UBR1: variants seen among roughly 807,000 people sequenced by gnomAD.
UBR1 encodes the protein ubiquitin protein ligase E3 component n-recognin 1.
UBR1 carries 102 observed loss-of-function variants against 242.1 expected under a neutral mutation model. That is an observed-to-expected ratio of 0.42 (90% confidence interval 0.36 to 0.50). UBR1 has a LOEUF of 0.50. UBR1 is among the 20% of genes least tolerant of loss of function. The probability of loss-of-function intolerance (pLI) is 0.01; values close to 1 mark genes in which losing one functional copy is unlikely to be tolerated. For missense variants in UBR1, 1,772 were observed against 2,101.8 expected, an observed-to-expected ratio of 0.84 and a Z score of 3.07; for synonymous variants, 675 against 684.8, an observed-to-expected ratio of 0.99 and a Z score of 0.22.
intron 12 of UBR1, among the ~76,000 whole-genome samples, chr15:43,050,932 C>T (rs1274893828): frequency 6.6e-6 from 1 of 152,078 alleles, no homozygotes; most frequent in East Asian, 1.9e-4. Context: ...GTCACAGACG[C>T]TGGGGAGGTT....
intron 35 of UBR1, among the ~76,000 whole-genome samples, chr15:42,985,989 C>CAAAAAAA (rs1230190123): frequency 4.3e-5 from 2 of 46,988 alleles, no homozygotes; most frequent in Admixed American, 2.2e-4. Context: ...GACCCTGTCT[C>CAAAAAAA]AAAAAAAAAA....
chr15:42,969,343 G>C (rs190234427), intron 40 of UBR1, among the ~76,000 whole-genome samples: 1 of 151,992 alleles, frequency 6.6e-6, no homozygotes, highest in Non-Finnish European at 1.5e-5. Flanking sequence ...CATATCCTTC[G>C]CCCACTTTCT....
intron 44 of UBR1, among the ~76,000 whole-genome samples, chr15:42,955,837 C>T (rs1340224323): frequency 6.6e-6 from 1 of 152,140 alleles, no homozygotes; most frequent in Non-Finnish European, 1.5e-5. Context: ...GTTTAAGCTA[C>T]AGGACATTAT....
In UBR1 at chr15:43,038,677, T is replaced by A. The variant is rs965766347; in HGVS notation, c.1850-445A>T. ...ACAATCTAGAATGCAGACTGTTGATTTCTAATTTTGAAATACAATATTACT... is the reference window on the plus strand; with the variant it reads ...ACAATCTAGAATGCAGACTGTTGATATCTAATTTTGAAATACAATATTACT... On this transcript the variant is annotated intron_variant, in intron 15 of 46. Coordinates refer to ENST00000290650, the MANE Select transcript of UBR1 (RefSeq NM_174916.3). 2.6e-4 allele frequency among the ~76,000 whole-genome samples: 40 copies of A among 152,310 alleles called. No individual in the cohort carries two copies. In the East Asian group the frequency reaches 6.4e-3, roughly 24 times the overall value.
intron 9 of UBR1, among the ~76,000 whole-genome samples, chr15:43,058,815 T>G (rs1408048954): frequency 6.6e-6 from 1 of 152,192 alleles, no homozygotes; most frequent in Non-Finnish European, 1.5e-5. Flanking sequence ...CCTGAATATA[T>G]AGATACATGT....
At chr15:43,015,452 G>A (rs1026630349) in intron 29 of UBR1, among the ~76,000 whole-genome samples, 1 of 152,030 alleles carries the variant, frequency 6.6e-6, no homozygotes, top group African/African-American at 2.4e-5. Flanking sequence ...CAGCATGCTC[G>A]TTAAGAGTCA....
At position 42,960,196 on chromosome 15, in the gene UBR1, C is replaced by T. The variant is rs572253408; in HGVS notation, c.4757+449G>A. 3.3e-5 allele frequency among the ~76,000 whole-genome samples: 5 copies of T among 152,026 alleles called. No individual in the cohort carries two copies. The East Asian group carries it at 5.8e-4, about 18-fold the overall frequency. On this transcript the variant is annotated intron_variant, in intron 43 of 46. Coordinates refer to ENST00000290650, the MANE Select transcript of UBR1 (RefSeq NM_174916.3). ...AGACAACTTAAGGGAGATAAGAGGG[C>T]TGAAGAAAAGTTTTTGGGGTAGTTT...
At chr15:43,001,252 T>A (rs1405489971) in intron 32 of UBR1, among the ~76,000 whole-genome samples, 6 of 151,682 alleles carry the variant, frequency 4.0e-5, no homozygotes, top group African/African-American at 1.5e-4. Flanking sequence ...GTTCAAGCAA[T>A]TCTCCTTGGC....
At position 43,067,895 on chromosome 15, in the gene UBR1, A is replaced by G. The variant is rs199742972; in HGVS notation, c.798+3T>C. The G allele has an allele frequency of 2.5e-6, 4 of 1,613,842 alleles. No individual in the cohort carries two copies. The African/African-American group carries it at 4.0e-5, about 16-fold the overall frequency. On this transcript the variant is annotated splice_donor_region_variant and intron_variant, in intron 6 of 46. Coordinates refer to ENST00000290650, the MANE Select transcript of UBR1 (RefSeq NM_174916.3). ...AAACGCAATTCAAAAGGAGACCACA[A>G]ACCTCTTTGTCAATGGCAGTGGTAT...
rs958557192 is a variant in UBR1, at chr15:42,949,821, TAATAAA to T, written c.5108+435_5108+440del. ...CTCCCAAAATAAATAAATAAATAAA[TAATAAA>T]AATAAAAAGTAGCTCTCAATTACTT... On this transcript the variant is annotated intron_variant, in intron 46 of 46. Coordinates refer to ENST00000290650, the MANE Select transcript of UBR1 (RefSeq NM_174916.3). Among the ~76,000 whole-genome samples, 37 of 150,130 alleles carry T rather than the reference TAATAAA, an allele frequency of 2.5e-4. No individual in the cohort carries two copies. The South Asian group carries it at 5.3e-3, about 21-fold the overall frequency.
chr15:43,053,562 T>C (rs937975458), intron 12 of UBR1, among the ~76,000 whole-genome samples: 8 of 152,200 alleles, frequency 5.3e-5, no homozygotes, highest in African/African-American at 1.9e-4. Context: ...TCTCCACTTA[T>C]ACTGAAGATA....
intron 3 of UBR1, among the ~76,000 whole-genome samples, chr15:43,077,674 A>T (rs935316509): frequency 6.6e-6 from 1 of 151,410 alleles, no homozygotes; most frequent in Non-Finnish European, 1.5e-5. Flanking sequence ...AGAAAAAAAA[A>T]AATAAAAATA....
At chr15:43,065,266 C>T (rs2033738047) in intron 6 of UBR1, among the ~76,000 whole-genome samples, 1 of 152,142 alleles carries the variant, frequency 6.6e-6, no homozygotes, top group African/African-American at 2.4e-5. Flanking sequence ...TTTCTGTCTT[C>T]TTTTCCTATC....
chr15:42,948,548 T>C (rs1183046756), intron 46 of UBR1, among the ~76,000 whole-genome samples: 1 of 151,934 alleles, frequency 6.6e-6, no homozygotes, highest in Non-Finnish European at 1.5e-5. Context: ...AAAGAGCTAA[T>C]ATCCAGAATC....
chr15:42,984,893 A>C lies in UBR1; in HGVS notation c.4047T>G (p.Asn1349Lys), dbSNP rs781741948. The C allele has an allele frequency of 1.9e-6, 3 of 1,612,178 alleles. No homozygotes were observed. Among genetic ancestry groups the C allele is most frequent in the Non-Finnish European group, 2.5e-6 (3 of 1,178,650 alleles). ...EGKPLFGALQ[N>K]RQHNGLKALM... is the part of the protein sequence containing the mutation. ...CTTGTTGGAATATACATACCTGCCT[A>C]TTTTGAAGTGCTCCAAACAGAGGTT... is the stretch of plus-strand genomic sequence containing the variant. The change falls in exon 36 of 47, where the codon AAT becomes AAG. Residue 1349 changes from asparagine (N) to lysine (K), a missense_variant. Asn to Lys is a moderately conservative substitution (Grantham distance 94). Coordinates refer to ENST00000290650, the MANE Select transcript of UBR1 (RefSeq NM_174916.3).
chr15:42,992,751 A>G (rs1035431911), intron 33 of UBR1, among the ~76,000 whole-genome samples: 1 of 152,114 alleles, frequency 6.6e-6, no homozygotes, highest in Non-Finnish European at 1.5e-5. Context: ...TCTAGCTCCA[A>G]AGGGCCCTTT....
At chr15:42,952,144 T>G in intron 45 of UBR1, 134 bp downstream of exon 45, 1 of 1,106,482 alleles carries the variant, frequency 9.0e-7, no homozygotes. Context: ...TGCAATTTCA[T>G]GTCAATAACA....
In UBR1 at chr15:43,038,005, G is replaced by A. The variant is rs1462091736; in HGVS notation, c.1912-122C>T. 7 of 1,189,906 alleles carry A rather than the reference G, an allele frequency of 5.9e-6. No individual in the cohort carries two copies. In the South Asian group the frequency reaches 7.8e-5, roughly 13 times the overall value. 73.7% of individuals were successfully genotyped at this position (1,189,906 alleles called of 1,614,324 possible). ...AATGGAAGAGCTTGAACTAGATGAC[G>A]TCTAAGTCCCTGTGACTCAGATTAC... On this transcript the variant is annotated intron_variant, in intron 16 of 46. Transcript: ENST00000290650.
chr15:42,961,752 C>T (rs1044359645), intron 42 of UBR1, among the ~76,000 whole-genome samples: 2 of 150,382 alleles, frequency 1.3e-5, no homozygotes, highest in African/African-American at 4.9e-5. Context: ...TCTTTCTATA[C>T]TTATCTTTTT....
Sources: allele counts gnomAD v4.1 joint callset (sites outside exome capture counted in the v4.1 genomes callset), GRCh38; gene constraint gnomAD v4.1.1; transcripts MANE v1.5; gene names NCBI Gene and HGNC (gene_info 2026-07-23, HGNC 2026-07-21).